The following APBB2 variants were observed in gnomAD, a reference collection of about 807,000 sequenced individuals.
APBB2 encodes the protein Fe65-like 1.
In APBB2, 38 loss-of-function variants were observed where a neutral mutation model predicts 82.5. The observed-to-expected ratio is 0.46, with a 90% CI of 0.36 to 0.60. APBB2 has a LOEUF of 0.60. APBB2 is among the 20% of genes least tolerant of loss of function. The pLI is 0.00. For synonymous variants in APBB2, 341 were observed against 368.2 expected (o/e 0.93, Z 0.85); for missense variants, 772 against 972.3 (o/e 0.79, Z 2.74).
At chr4:41,195,962 C>T in intron 1 of APBB2, among the ~76,000 whole-genome samples, 1 of 152,184 alleles carries the variant, frequency 6.6e-6, no homozygotes, top group South Asian at 2.1e-4. Context: ...AGATCGAGAC[C>T]ATCCTGGCTA....
chr4:40,989,163 A>G (rs1193011447), intron 6 of APBB2, among the ~76,000 whole-genome samples: 1 of 152,184 alleles, frequency 6.6e-6, no homozygotes, highest in Non-Finnish European at 1.5e-5. Flanking sequence ...CACAGTATTA[A>G]CAGTCTCGTA....
chr4:41,121,816 C>T (rs1316441936), intron 2 of APBB2, among the ~76,000 whole-genome samples: 2 of 152,112 alleles, frequency 1.3e-5, no homozygotes, highest in Non-Finnish European at 2.9e-5. Flanking sequence ...GATGCAGCCA[C>T]GTCTTTGTGG....
chr4:40,851,563 C>T (rs1418169176), intron 12 of APBB2, among the ~76,000 whole-genome samples: 2 of 151,982 alleles, frequency 1.3e-5, no homozygotes, highest in Non-Finnish European at 1.5e-5. Context: ...GCTGCTTGTC[C>T]TCTATCATAA....
At chr4:41,012,692 T>A (rs79520728) in intron 6 of APBB2, among the ~76,000 whole-genome samples, 2,024 of 152,360 alleles carry the variant, frequency 0.013, 22 homozygotes, top group Non-Finnish European at 0.022. Flanking sequence ...CTATCTATTT[T>A]CTTTGTTATA....
chr4:41,174,585 A>G (rs1238161123), intron 1 of APBB2, among the ~76,000 whole-genome samples: 1 of 152,174 alleles, frequency 6.6e-6, no homozygotes, highest in Non-Finnish European at 1.5e-5. Context: ...AAGTACAAAA[A>G]TGGTGAGAAG....
At position 40,875,819 on chromosome 4, in the gene APBB2, C is replaced by T. The variant is rs200289837; in HGVS notation, c.1529+14545G>A. 2.0e-4 allele frequency among the ~76,000 whole-genome samples: 30 copies of T among 152,168 alleles called. No homozygotes were observed. The East Asian group carries it at 5.8e-3, about 29-fold the overall frequency. On this transcript the variant is annotated intron_variant, in intron 12 of 17. Coordinates refer to ENST00000508593, the MANE Select transcript of APBB2 (RefSeq NM_004307.2). Reference sequence around the variant, plus strand: ...TTTCTGCTAAGAAAAAAAAAAATAACCCCAAAGGTGAGGATTTCATTGCCA... The same window carrying T: ...TTTCTGCTAAGAAAAAAAAAAATAATCCCAAAGGTGAGGATTTCATTGCCA...
At chr4:41,201,401 G>A (rs979782957) in intron 1 of APBB2, among the ~76,000 whole-genome samples, 5 of 152,186 alleles carry the variant, frequency 3.3e-5, no homozygotes, top group African/African-American at 4.8e-5. Flanking sequence ...GTGGAGCATC[G>A]CTAATCTGAA....
intron 12 of APBB2, among the ~76,000 whole-genome samples, chr4:40,831,126 G>C (rs189167643): frequency 2.0e-5 from 3 of 152,254 alleles, no homozygotes; most frequent in Non-Finnish European, 4.4e-5. Context: ...AAGGATGGGC[G>C]TGGTGGCTCA....
chr4:40,833,126 TC>T (rs1752632407), intron 12 of APBB2, among the ~76,000 whole-genome samples: 1 of 152,180 alleles, frequency 6.6e-6, no homozygotes, highest in Admixed American at 6.5e-5. Context: ...CTTCTGGTTC[TC>T]CTCCCTAGAG....
intron 4 of APBB2, among the ~76,000 whole-genome samples, chr4:41,059,935 G>A (rs1249077587): frequency 1.3e-5 from 2 of 151,262 alleles, no homozygotes; most frequent in Non-Finnish European, 2.9e-5. Flanking sequence ...AGTCAAGATC[G>A]TGCCACTCCA....
intron 6 of APBB2, among the ~76,000 whole-genome samples, chr4:40,964,956 T>TA (rs1321041016): frequency 1.3e-5 from 2 of 151,946 alleles, no homozygotes; most frequent in African/African-American, 4.8e-5. Context: ...CCGTCTCTAC[T>TA]AAAAATATAA....
In APBB2 at chr4:41,135,191, A is replaced by G. The variant is rs1437642797; in HGVS notation, c.-261+7796T>C. 5.3e-5 allele frequency among the ~76,000 whole-genome samples: 7 copies of G among 131,444 alleles called. No individual in the cohort carries two copies. The East Asian group carries it at 1.7e-3, about 32-fold the overall frequency. The allele number at this position is 131,444 out of a possible 152,430, so 86.2% of individuals were successfully genotyped here. A position where few individuals can be genotyped will look rare whatever the true frequency, so the allele number is the denominator to read the frequency against. On this transcript the variant is annotated intron_variant, in intron 2 of 17. Transcript: ENST00000508593. ...CCTCAAAAAAAAAAAAAAAAAAAAA[A>G]TCACCCTTACAAACCCAAGCATAGC...
intron 2 of APBB2, among the ~76,000 whole-genome samples, chr4:41,121,078 A>G (rs937979066): frequency 2.6e-5 from 4 of 152,214 alleles, no homozygotes; most frequent in Non-Finnish European, 2.9e-5. Flanking sequence ...AACATGCTCA[A>G]CGGTGGAAAA....
intron 4 of APBB2, among the ~76,000 whole-genome samples, chr4:41,049,499 G>C (rs13142213): frequency 0.17 from 18,660 of 107,796 alleles, 1,866 homozygotes; most frequent in African/African-American, 0.2. Context: ...GCCCCGTCCG[G>C]GAGGGAGGTG....
At chr4:40,864,129 G>A (rs553594385) in intron 12 of APBB2, among the ~76,000 whole-genome samples, 1 of 151,740 alleles carries the variant, frequency 6.6e-6, no homozygotes, top group Admixed American at 6.6e-5. Flanking sequence ...TGGTGGCGCC[G>A]AGTAATCTCA....
chr4:40,993,689 T>G (rs1362498784), intron 6 of APBB2, among the ~76,000 whole-genome samples: 1 of 152,122 alleles, frequency 6.6e-6, no homozygotes, highest in Admixed American at 6.6e-5. Context: ...GCCTGGCCAC[T>G]TCTACTTGAT....
In APBB2 at chr4:40,822,128, A is replaced by AT. The variant is rs149294599; in HGVS notation, c.1933-79dup. On this transcript the variant is annotated intron_variant, in intron 16 of 17. Transcript: ENST00000508593. ...AGAGTGGCAGCACATAGGAACTGGC[A>AT]TTCAGAAAGTATAGCCAGGCCGAAT... 7,497 of 1,534,894 alleles carry AT rather than the reference A, an allele frequency of 4.9e-3. 308 individuals carry two copies. In the African/African-American group the frequency reaches 0.09, roughly 19 times the overall value.
At chr4:40,817,554 A>G (rs938135243) in intron 17 of APBB2, among the ~76,000 whole-genome samples, 2 of 152,128 alleles carry the variant, frequency 1.3e-5, no homozygotes, top group African/African-American at 4.8e-5. Flanking sequence ...CTCAGAGGGC[A>G]GACTTCTCCT....
intron 2 of APBB2, among the ~76,000 whole-genome samples, chr4:41,107,615 A>G (rs1441648324): frequency 6.6e-6 from 1 of 152,236 alleles, no homozygotes; most frequent in African/African-American, 2.4e-5. Context: ...CATCTTTACA[A>G]ACGGAGAGTT....
Sources: gnomAD v4.1 joint callset for allele counts (sites outside exome capture counted in the v4.1 genomes callset) on GRCh38, gnomAD v4.1.1 for gene constraint, MANE v1.5 for transcripts, NCBI Gene and HGNC (gene_info 2026-07-23, HGNC 2026-07-21) for gene names.